WDPCP: variants seen among roughly 807,000 people sequenced by gnomAD.
The protein encoded by WDPCP is WD repeat containing planar cell polarity effector.
In WDPCP, 71 loss-of-function variants were observed where a neutral mutation model predicts 93.1. That is an observed-to-expected ratio of 0.76 (90% CI 0.63 to 0.93). The LOEUF is 0.93. Ranked by LOEUF, WDPCP falls within the 40% of genes least tolerant of loss-of-function variation. The probability of loss-of-function intolerance (pLI) is 0.00; values close to 1 mark genes in which losing one functional copy is unlikely to be tolerated. For missense variants in WDPCP, 844 were observed against 887.4 expected (o/e 0.95, Z 0.62); for synonymous variants, 315 against 315.0 (o/e 1.00, Z 0.00).
At chr2:63,297,284 TG>T (rs1466534409) in intron 13 of WDPCP, among the ~76,000 whole-genome samples, 1 of 152,020 alleles carries the variant, frequency 6.6e-6, no homozygotes, top group Non-Finnish European at 1.5e-5. Flanking sequence ...TTCCAAGGGG[TG>T]GGCTGGGGGT....
intron 12 of WDPCP, chr2:63,368,819 G>A (rs1489143247): frequency 6.6e-6 from 1 of 152,222 alleles, no homozygotes; most frequent in Non-Finnish European, 1.5e-5. Flanking sequence ...TTCACATCCA[G>A]TGACACATTC....
chr2:63,210,612 G>C (rs550520059), intron 14 of WDPCP, among the ~76,000 whole-genome samples: 1 of 152,146 alleles, frequency 6.6e-6, no homozygotes, highest in Non-Finnish European at 1.5e-5. Context: ...GTGGGTGCAG[G>C]ACAGTGGGTG....
chr2:63,780,863 C>G (rs1670381618), intron 2 of WDPCP, among the ~76,000 whole-genome samples: 1 of 152,126 alleles, frequency 6.6e-6, no homozygotes, highest in African/African-American at 2.4e-5. Flanking sequence ...TAATGAAGCC[C>G]TTTTAGACTC....
intron 12 of WDPCP, among the ~76,000 whole-genome samples, chr2:63,314,950 A>T (rs922463949): frequency 6.6e-6 from 1 of 152,202 alleles, no homozygotes; most frequent in South Asian, 2.1e-4. Context: ...TCTAGGTAAG[A>T]GGTAATGATA....
rs531384774 is a variant in WDPCP at position 63,802,200 on chromosome 2, C to T, written n.308+11422G>A. Among the ~76,000 whole-genome samples the T allele has an allele frequency of 2.2e-5, 3 of 138,518 alleles. No individual in the cohort carries two copies. The East Asian group carries it at 7.2e-4, about 33-fold the overall frequency. 90.9% of individuals were successfully genotyped at this position (138,518 alleles called of 152,430 possible). On this transcript the variant is annotated intron_variant and non_coding_transcript_variant, in intron 2 of 4. Transcript: ENST00000467687. ...GTGGCTCACGCCTGTAGTCCCAGCACTTTGGAAGGCCAACGTGGGCAGATC... is the reference window on the plus strand; with the variant it reads ...GTGGCTCACGCCTGTAGTCCCAGCATTTTGGAAGGCCAACGTGGGCAGATC...
intron 13 of WDPCP, among the ~76,000 whole-genome samples, chr2:63,306,146 T>C (rs1331043985): frequency 2.0e-5 from 3 of 151,970 alleles, no homozygotes; most frequent in East Asian, 1.9e-4. Context: ...CTAGAAGAAA[T>C]AGACAAATTC....
intron 14 of WDPCP, among the ~76,000 whole-genome samples, chr2:63,253,135 G>T (rs1037245372): frequency 3.9e-5 from 6 of 152,062 alleles, no homozygotes; most frequent in African/African-American, 1.2e-4. Flanking sequence ...TCTGATCTTC[G>T]ACAGTCAAGA....
chr2:63,158,406 C>G (rs1490281404), intron 15 of WDPCP, among the ~76,000 whole-genome samples: 2 of 152,152 alleles, frequency 1.3e-5, no homozygotes, highest in African/African-American at 4.8e-5. Flanking sequence ...ATTCTCTTGT[C>G]AGATGCAAAC....
At chr2:63,200,139 T>C (rs1465813791) in intron 14 of WDPCP, among the ~76,000 whole-genome samples, 1 of 152,212 alleles carries the variant, frequency 6.6e-6, no homozygotes, top group African/African-American at 2.4e-5. Context: ...TGTACCCCCA[T>C]TGTATCTTGG....
chr2:63,271,376 G>A (rs1321200078), intron 13 of WDPCP, among the ~76,000 whole-genome samples: 2 of 152,202 alleles, frequency 1.3e-5, no homozygotes, highest in East Asian at 3.9e-4. Context: ...GGGCCCTGAG[G>A]ATTGATCTGC....
At chr2:63,186,564 C>A (rs1248273389) in intron 14 of WDPCP, among the ~76,000 whole-genome samples, 3 of 152,236 alleles carry the variant, frequency 2.0e-5, no homozygotes, top group African/African-American at 7.2e-5. Flanking sequence ...GCCATGTTAG[C>A]CCCAGGGCTT....
intron 1 of WDPCP, among the ~76,000 whole-genome samples, chr2:63,552,228 T>G (rs936978196): frequency 1.3e-5 from 2 of 151,088 alleles, no homozygotes; most frequent in Non-Finnish European, 2.9e-5. Context: ...ACTGTTAAAC[T>G]GAGCAGAATG....
intron 2 of WDPCP, among the ~76,000 whole-genome samples, chr2:63,799,532 C>G (rs529923904): frequency 6.6e-6 from 1 of 152,222 alleles, no homozygotes; most frequent in Admixed American, 6.5e-5. Context: ...ATGGTTTGTA[C>G]CAACATCAGA....
intron 1 of WDPCP, among the ~76,000 whole-genome samples, chr2:63,567,754 G>T (rs6735699): frequency 0.035 from 5,243 of 151,574 alleles, 127 homozygotes; most frequent in African/African-American, 0.07. Context: ...TATTTTTTTT[G>T]ATCTTTATTC....
At chr2:63,586,333 GC>G (rs1323921691) in intron 1 of WDPCP, among the ~76,000 whole-genome samples, 4 of 152,120 alleles carry the variant, frequency 2.6e-5, no homozygotes, top group Non-Finnish European at 5.9e-5. Flanking sequence ...GCGAGGCTGG[GC>G]AAAAAAAATG....
At chr2:63,776,867 ATAC>A (rs1670312342) in intron 2 of WDPCP, among the ~76,000 whole-genome samples, 1 of 152,122 alleles carries the variant, frequency 6.6e-6, no homozygotes, top group Non-Finnish European at 1.5e-5. Flanking sequence ...AGAAAGACAA[ATAC>A]TACATGATCT....
intron 9 of WDPCP, among the ~76,000 whole-genome samples, chr2:63,408,474 T>C (rs563479597): frequency 1.3e-5 from 2 of 152,034 alleles, no homozygotes; most frequent in South Asian, 2.1e-4. Flanking sequence ...CCTGATACCA[T>C]AGGGATCCAT....
intron 1 of WDPCP, among the ~76,000 whole-genome samples, chr2:63,533,232 G>C (rs1420202119): frequency 6.6e-6 from 1 of 152,114 alleles, no homozygotes; most frequent in East Asian, 1.9e-4. Context: ...GACCTACAAA[G>C]AGCTTAGACT....
intron 9 of WDPCP, among the ~76,000 whole-genome samples, chr2:63,409,210 T>C (rs1694835322): frequency 6.6e-6 from 1 of 152,136 alleles, no homozygotes; most frequent in African/African-American, 2.4e-5. Flanking sequence ...CCACAGATGG[T>C]TCACATCACA....
Sources: allele counts gnomAD v4.1 joint callset (sites outside exome capture counted in the v4.1 genomes callset), GRCh38; gene constraint gnomAD v4.1.1; transcripts MANE v1.5; gene names NCBI Gene and HGNC (gene_info 2026-07-23, HGNC 2026-07-21).